Variants in PLA2G15 observed in about 807,000 individuals in gnomAD.
PLA2G15 encodes the protein lysosomal phospholipase A and acyltransferase.
A neutral mutation model predicts 40.9 loss-of-function variants in PLA2G15; 20 were observed. The ratio of observed to expected loss-of-function variants is 0.49; its 90% CI spans 0.34 to 0.71. PLA2G15 has a LOEUF of 0.71. PLA2G15 is among the 30% of genes least tolerant of loss of function. The probability of loss-of-function intolerance (pLI) is 0.01; values close to 1 mark genes in which losing one functional copy is unlikely to be tolerated. For synonymous variants in PLA2G15, 223 were observed against 228.2 expected (o/e 0.98, Z 0.21); for missense variants, 471 against 541.9 (o/e 0.87, Z 1.30).
intron 2 of PLA2G15, among the ~76,000 whole-genome samples, chr16:68,252,031 A>T (rs1397095961): frequency 3.9e-5 from 6 of 152,006 alleles, no homozygotes; most frequent in Middle Eastern, 6.8e-3. Context: ...TATACTGGGG[A>T]CACAGCCTCA....
At chr16:68,257,550 C>G (rs1198545741) in intron 5 of PLA2G15, among the ~76,000 whole-genome samples, 1 of 152,220 alleles carries the variant, frequency 6.6e-6, no homozygotes, top group Non-Finnish European at 1.5e-5. Context: ...GGGAGCTTTC[C>G]TCCCTCTGCT....
rs2042397292 is a variant in PLA2G15, at chr16:68,255,889, A to G, written c.626A>G (p.Gln209Arg). The G allele has an allele frequency of 6.2e-7, 1 of 1,613,676 alleles. No homozygotes were observed. The highest frequency in any genetic ancestry group is 8.5e-7 in the Non-Finnish European group (1 of 1,179,932). The change falls in exon 5 of 6, where the codon CAG (glutamine) becomes CGG (arginine). Residue 209 changes from glutamine (Q) to arginine (R), a missense_variant. Transcript: ENST00000219345. The surrounding 1 kb of genome is among the most constrained non-coding windows in gnomAD (Gnocchi z 5.9). Reference protein sequence around the residue: ...MGNMYTLYFLQRQPQAWKDKY... With the variant: ...MGNMYTLYFLRRQPQAWKDKY... Reference sequence around the variant, plus strand: ...AACATGTACACGCTCTACTTTCTGCAGCGGCAGCCGCAGGCCTGGAAGGAC... The same window carrying G: ...AACATGTACACGCTCTACTTTCTGCGGCGGCAGCCGCAGGCCTGGAAGGAC...
At chr16:68,254,878 T>C in intron 2 of PLA2G15, 41 bp from the exon 3 acceptor site, 36 of 1,256,536 alleles carry the variant, frequency 2.9e-5, no homozygotes, top group Non-Finnish European at 4.1e-5. Context: ...CCAAGCTCAG[T>C]GTCCCCTCCG....
At chr16:68,247,018 C>T (rs918215586) in intron 1 of PLA2G15, among the ~76,000 whole-genome samples, 3 of 152,070 alleles carry the variant, frequency 2.0e-5, no homozygotes, top group African/African-American at 7.2e-5. Context: ...TGATGCTAAC[C>T]GCACTCATCA....
chr16:68,259,277 A>G lies in PLA2G15; in HGVS notation c.859A>G (p.Thr287Ala). Reference sequence around the variant, plus strand: ...TGAGAAGGTGTTCGTGCAGACACCCACAATCAACTACACACTGCGGGACTA... The same window carrying G: ...TGAGAAGGTGTTCGTGCAGACACCCGCAATCAACTACACACTGCGGGACTA... ...SPEKVFVQTP[T>A]INYTLRDYRK... The change falls in exon 6 of 6, where the codon ACA becomes GCA. Residue 287 changes from threonine (T) to alanine (A), a missense_variant. By Grantham distance (58) the Thr-to-Ala change is moderately conservative. Coordinates refer to ENST00000219345, the MANE Select transcript of PLA2G15 (RefSeq NM_012320.4). The surrounding 1 kb of genome is among the most constrained non-coding windows in gnomAD (Gnocchi z 6.5). The G allele has an allele frequency of 6.2e-7, 1 of 1,614,034 alleles. No homozygotes were observed. Among genetic ancestry groups the G allele is most frequent in the Admixed American group, 1.7e-5 (1 of 60,032 alleles).
chr16:68,256,756 C>T (rs766781468), intron 5 of PLA2G15, among the ~76,000 whole-genome samples: 1 of 152,038 alleles, frequency 6.6e-6, no homozygotes, highest in Non-Finnish European at 1.5e-5. Flanking sequence ...ATGTTCCACT[C>T]GCTTCGGCCT....
rs2042334521 is a variant in PLA2G15 at position 68,249,271 on chromosome 16, T to C, written c.128-19T>C. ...ACCTGCCGGGCTGAGGGCTCACACA[T>C]GTCCTGTGCCCCCTGCAGTCCCTGG... is the stretch of plus-strand genomic sequence containing the variant. On this transcript the variant is annotated intron_variant, in intron 1 of 5. Transcript: ENST00000219345. 6.2e-7 allele frequency: 1 copy of C among 1,613,078 alleles called. No homozygotes were observed. Among genetic ancestry groups the C allele is most frequent in the Non-Finnish European group, 8.5e-7 (1 of 1,179,178 alleles).
chr16:68,249,471 G>A, intron 2 of PLA2G15, 25 bp downstream of exon 2: 1 of 1,611,530 alleles, frequency 6.2e-7, no homozygotes, highest in South Asian at 1.1e-5. Context: ...ACACAGAGGG[G>A]GGTGCTGCTC....
intron 2 of PLA2G15, among the ~76,000 whole-genome samples, chr16:68,249,854 A>G (rs2042339298): frequency 6.6e-6 from 1 of 151,768 alleles, no homozygotes; most frequent in Admixed American, 6.6e-5. Context: ...AATTTTTTGT[A>G]TTTTTAGTGG....
chr16:68,250,732 T>A (rs2042348921), intron 2 of PLA2G15, among the ~76,000 whole-genome samples: 1 of 152,100 alleles, frequency 6.6e-6, no homozygotes, highest in Admixed American at 6.5e-5. Context: ...ACAAAAAAAT[T>A]AGCTGGGCAT....
chr16:68,254,849 G>A (rs2042387442), intron 2 of PLA2G15, 70 bp from the exon 3 acceptor site: 2 of 922,846 alleles, frequency 2.2e-6, no homozygotes, highest in East Asian at 4.8e-5. Context: ...CTCAGGACAT[G>A]ATGCACTGTT....
At chr16:68,257,442 A>G (rs929496005) in intron 5 of PLA2G15, among the ~76,000 whole-genome samples, 3 of 152,162 alleles carry the variant, frequency 2.0e-5, no homozygotes, top group African/African-American at 7.2e-5. Context: ...TTGCCTGGCA[A>G]TTGGGAAAGC....
Position 68,254,996 on chromosome 16 carries a change from C to T in PLA2G15, c.362C>T (p.Thr121Ile). ...VDVRVPGFGK[T>I]FSLEFLDPSK... ...GTACGTGTCCCTGGCTTTGGGAAGA[C>T]CTTCTCACTGGAGTTCCTGGACCCC... is the stretch of plus-strand genomic sequence containing the variant. Residue 121 changes from threonine (T) to isoleucine (I), a missense_variant, in exon 3 of 6, where the codon ACC (threonine) becomes ATC (isoleucine). By Grantham distance (89) the Thr-to-Ile change is moderately conservative (BLOSUM62 -1). Coordinates refer to ENST00000219345, the MANE Select transcript of PLA2G15 (RefSeq NM_012320.4). The T allele has an allele frequency of 6.2e-7, 1 of 1,613,870 alleles. No individual in the cohort carries two copies. Among genetic ancestry groups the T allele is most frequent in the South Asian group, 1.1e-5 (1 of 91,074 alleles).
At chr16:68,254,172 C>T (rs2042380644) in intron 2 of PLA2G15, among the ~76,000 whole-genome samples, 1 of 152,026 alleles carries the variant, frequency 6.6e-6, no homozygotes, top group African/African-American at 2.4e-5. Context: ...CAACCAGGTC[C>T]AAGACCCTCA....
chr16:68,254,310 T>TA (rs1596947665), intron 2 of PLA2G15: 1 of 137,950 alleles, frequency 7.2e-6, no homozygotes, highest in South Asian at 2.3e-4. Flanking sequence ...GTGCTTTTTA[T>TA]TTTTATTTAT....
Position 68,245,413 on chromosome 16 carries a change from G to T in PLA2G15, c.-14G>T, listed in dbSNP as rs1340004302. Reference sequence around the variant, plus strand: ...TGAACCTGCATCCCGGACCTGCGGCGACCGTCGTACACCATGGGCCTCCAC... The same window carrying T: ...TGAACCTGCATCCCGGACCTGCGGCTACCGTCGTACACCATGGGCCTCCAC... On this transcript the variant is annotated 5_prime_UTR_variant, in exon 1 of 6. Coordinates refer to ENST00000219345, the MANE Select transcript of PLA2G15 (RefSeq NM_012320.4). The T allele has an allele frequency of 2.5e-6, 4 of 1,601,598 alleles. No individual in the cohort carries two copies. The highest frequency in any genetic ancestry group is 1.1e-5 in the South Asian group (1 of 91,022).
At chr16:68,246,764 T>A (rs1452872146) in intron 1 of PLA2G15, among the ~76,000 whole-genome samples, 1 of 152,148 alleles carries the variant, frequency 6.6e-6, no homozygotes, top group Non-Finnish European at 1.5e-5. Flanking sequence ...AGTATATAGC[T>A]GGAGCTAAGG....
Position 68,259,431 on chromosome 16 carries a change from C to A in PLA2G15, c.1013C>A (p.Thr338Lys). The A allele has an allele frequency of 6.2e-7, 1 of 1,613,984 alleles. No homozygotes were observed. Among genetic ancestry groups the A allele is most frequent in the Non-Finnish European group, 8.5e-7 (1 of 1,180,032 alleles). The change falls in exon 6 of 6, where the codon ACA (threonine) becomes AAA (lysine). Residue 338 changes from threonine (T) to lysine (K), a missense_variant. Physicochemically the swap from Thr to Lys is moderately conservative, Grantham distance 78. Transcript: ENST00000219345. This position sits in a 1 kb window ranked among gnomAD's most constrained non-coding sequence, Gnocchi z 6.5. ...LHCLYGTGVP[T>K]PDSFYYESFP... is the part of the protein sequence containing the mutation. ...TGCCTCTATGGTACTGGCGTCCCCA[C>A]ACCAGACTCCTTCTACTATGAGAGC...
rs1311695425 is a variant in PLA2G15, at chr16:68,255,282, G to C, written c.404G>C (p.Gly135Ala). Residue 135 changes from glycine (G) to alanine (A), a missense_variant and splice_region_variant, in exon 4 of 6, where the codon GGT (glycine) becomes GCT (alanine). By Grantham distance (60) the Gly-to-Ala change is moderately conservative (BLOSUM62 0). Coordinates refer to ENST00000219345, the MANE Select transcript of PLA2G15 (RefSeq NM_012320.4). This position sits in a 1 kb window ranked among gnomAD's most constrained non-coding sequence, Gnocchi z 5.9. ...EFLDPSKSSVGSYFHTMVESL... is the reference protein window; with the variant it reads ...EFLDPSKSSVASYFHTMVESL... ...TTATCCTCTGTATTTCTGTCTACAG[G>C]TTCCTATTTCCACACCATGGTGGAG... 3 of 1,609,406 alleles carry C rather than the reference G, an allele frequency of 1.9e-6. No individual in the cohort carries two copies. The Admixed American group carries it at 5.0e-5, about 27-fold the overall frequency.
Sources: gnomAD v4.1 joint callset for allele counts (sites outside exome capture counted in the v4.1 genomes callset) on GRCh38, gnomAD v4.1.1 for gene constraint, Gnocchi (gnomAD v3.1) non-coding constraint, MANE v1.5 for transcripts, NCBI Gene and HGNC (gene_info 2026-07-23, HGNC 2026-07-21) for gene names.